Variants in XKR9 observed in about 807,000 individuals in gnomAD.
The protein encoded by XKR9 is XK-related protein 9.
Under a neutral mutation model 32.0 loss-of-function variants are expected in XKR9, and 32 were observed. That is an observed-to-expected ratio of 1.00 (90% CI 0.76 to 1.34). XKR9 has a LOEUF of 1.34. Ranked by LOEUF, XKR9 falls within the 40% of genes most tolerant of loss-of-function variation. The pLI, the probability that XKR9 is intolerant of heterozygous loss-of-function variation, is 0.00. For synonymous variants in XKR9, 168 were observed against 143.4 expected (o/e 1.17, Z -1.22); for missense variants, 546 against 429.7 (o/e 1.27, Z -2.39).
chr8:70,768,790 T>G (rs899148808), intron 2 of XKR9, among the ~76,000 whole-genome samples: 1 of 151,944 alleles, frequency 6.6e-6, no homozygotes, highest in Non-Finnish European at 1.5e-5. Context: ...TTGGTAAATA[T>G]TCTTCCATCC....
chr8:70,700,854 A>G (rs7003123), intron 3 of XKR9, among the ~76,000 whole-genome samples: 60,878 of 151,776 alleles, frequency 0.4, 13,720 homozygotes, highest in Non-Finnish European at 0.52. Flanking sequence ...TGAGCTTCCC[A>G]GCTGCTTTGT....
At chr8:70,830,115 G>T in the XKR9 span, among the ~76,000 whole-genome samples, 110 of 152,220 alleles carry the variant, frequency 7.2e-4, no homozygotes, top group African/African-American at 2.5e-3. Context: ...AATTTTAAAA[G>T]CATATGTAGT....
intron 2 of XKR9, among the ~76,000 whole-genome samples, chr8:70,768,580 T>C (rs1807409637): frequency 1.3e-5 from 2 of 152,176 alleles, no homozygotes; most frequent in African/African-American, 4.8e-5. Context: ...AGTATGTCTC[T>C]AAAAACTTCC....
intron 3 of XKR9, among the ~76,000 whole-genome samples, chr8:70,702,941 G>A (rs1033832523): frequency 6.6e-6 from 1 of 152,060 alleles, no homozygotes; most frequent in Non-Finnish European, 1.5e-5. Context: ...GTTGTTTCTG[G>A]TGAGAAGTCA....
At chr8:70,774,990 A>T (rs1052883686) in intron 2 of XKR9, among the ~76,000 whole-genome samples, 9 of 152,056 alleles carry the variant, frequency 5.9e-5, no homozygotes, top group African/African-American at 2.2e-4. Context: ...AATATCTTTC[A>T]TCTACACAGG....
intron 3 of XKR9, among the ~76,000 whole-genome samples, chr8:70,692,641 C>T (rs1169352914): frequency 2.0e-5 from 3 of 151,968 alleles, no homozygotes; most frequent in East Asian, 1.9e-4. Flanking sequence ...TGCAATGGTG[C>T]GATCTTGGCT....
intron 3 of XKR9, among the ~76,000 whole-genome samples, chr8:70,695,659 G>A (rs960316219): frequency 4.6e-5 from 7 of 151,860 alleles, no homozygotes; most frequent in Admixed American, 2.0e-4. Flanking sequence ...TGTCTTTATA[G>A]CAGCATGATT....
At chr8:71,013,133 G>A in the XKR9 span, among the ~76,000 whole-genome samples, 11 of 152,124 alleles carry the variant, frequency 7.2e-5, no homozygotes, top group Non-Finnish European at 1.0e-4. Context: ...ACTTAAGCTC[G>A]TTTCGAAAAA....
chr8:71,010,089 C>T, the XKR9 span, among the ~76,000 whole-genome samples: 65,115 of 151,970 alleles, frequency 0.43, 15,092 homozygotes, highest in Non-Finnish European at 0.53. Flanking sequence ...TCTCTCTGAA[C>T]TGTGGGTTCT....
At chr8:70,844,377 C>T in the XKR9 span, among the ~76,000 whole-genome samples, 1 of 152,218 alleles carries the variant, frequency 6.6e-6, no homozygotes, top group East Asian at 1.9e-4. Flanking sequence ...CCAAAGCACC[C>T]TCCCTAACCC....
At chr8:70,727,309 T>C (rs1806504256) in intron 4 of XKR9, among the ~76,000 whole-genome samples, 1 of 149,722 alleles carries the variant, frequency 6.7e-6, no homozygotes, top group South Asian at 2.1e-4. Context: ...TAAAATATTT[T>C]TGAATTAAAG....
At chr8:71,060,099 TA>T in the XKR9 span, among the ~76,000 whole-genome samples, 1 of 152,186 alleles carries the variant, frequency 6.6e-6, no homozygotes, top group African/African-American at 2.4e-5. Context: ...GCTGGGACCA[TA>T]GAGAGTGTTT....
intron 2 of XKR9, among the ~76,000 whole-genome samples, chr8:70,754,034 A>T (rs1807181511): frequency 6.8e-6 from 1 of 146,546 alleles, no homozygotes; most frequent in South Asian, 2.2e-4. Flanking sequence ...TCAGCCCAAA[A>T]TCTCCTTAAG....
At chr8:70,728,679 A>T (rs1291460838) in intron 4 of XKR9, among the ~76,000 whole-genome samples, 1 of 152,234 alleles carries the variant, frequency 6.6e-6, no homozygotes, top group African/African-American at 2.4e-5. Context: ...CTTTTGAAGC[A>T]TAATTTTTCT....
the XKR9 span, among the ~76,000 whole-genome samples, chr8:70,979,582 A>C: frequency 2.0e-5 from 3 of 152,160 alleles, no homozygotes; most frequent in Non-Finnish European, 4.4e-5. Flanking sequence ...GTAGAATAGC[A>C]AATATTGCAG....
chr8:70,739,414 T>C (rs1453957629), downstream of XKR9, among the ~76,000 whole-genome samples: 1 of 152,236 alleles, frequency 6.6e-6, no homozygotes, highest in Non-Finnish European at 1.5e-5. Flanking sequence ...GTCTTGACTC[T>C]TTATCCAATT....
the XKR9 span, among the ~76,000 whole-genome samples, chr8:70,826,513 A>G: frequency 6.6e-6 from 1 of 152,188 alleles, no homozygotes; most frequent in Non-Finnish European, 1.5e-5. Context: ...TTAAATCATA[A>G]GAATTTCAGA....
chr8:70,951,265 A>T, the XKR9 span, among the ~76,000 whole-genome samples: 1 of 152,118 alleles, frequency 6.6e-6, no homozygotes, highest in Non-Finnish European at 1.5e-5. Context: ...AGAAACACAG[A>T]CTCTGAGATA....
chr8:70,851,245 AAGG>A, the XKR9 span, among the ~76,000 whole-genome samples: 1 of 152,140 alleles, frequency 6.6e-6, no homozygotes, highest in African/African-American at 2.4e-5. Context: ...GGACCTATTC[AAGG>A]AGAATTACAA....
Sources: allele counts gnomAD v4.1 joint callset (sites outside exome capture counted in the v4.1 genomes callset), GRCh38; gene constraint gnomAD v4.1.1; transcripts MANE v1.5; gene names NCBI Gene and HGNC (gene_info 2026-07-23, HGNC 2026-07-21).